IRS2: variants seen among roughly 807,000 people sequenced by gnomAD.
The protein encoded by IRS2 is insulin receptor substrate 2.
In IRS2, 28 loss-of-function variants were observed where a neutral mutation model predicts 70.9. The observed-to-expected ratio is 0.39, with a 90% CI of 0.29 to 0.54. The LOEUF is 0.54. Among genes scored for constraint, IRS2 ranks in the 20% least tolerant of loss-of-function variants. The probability of loss-of-function intolerance (pLI) is 0.59; values close to 1 mark genes in which losing one functional copy is unlikely to be tolerated. For synonymous variants in IRS2, 1,217 were observed against 981.9 expected (o/e 1.24, Z -4.48); for missense variants, 2,081 against 2,024.1 (o/e 1.03, Z -0.54).
In IRS2 at chr13:109,756,150, T is replaced by C. The variant is rs963450796; in HGVS notation, c.*154A>G. 1.5e-6 allele frequency: 1 copy of C among 675,146 alleles called. No individual in the cohort carries two copies. The highest frequency in any genetic ancestry group is 2.7e-6 in the Non-Finnish European group (1 of 371,410). The allele number at this position is 675,146 out of a possible 1,614,324, so 41.8% of individuals were successfully genotyped here. On this transcript the variant is annotated 3_prime_UTR_variant, in exon 2 of 2. Transcript: ENST00000375856. Reference sequence around the variant, plus strand: ...CAGGTGACCTTGCCTTGTTGGTGCCTCATCTAACAGAGTCCACAGATGTTT... The same window carrying C: ...CAGGTGACCTTGCCTTGTTGGTGCCCCATCTAACAGAGTCCACAGATGTTT...
Position 109,785,440 on chromosome 13 carries a change from T to C in IRS2, c.614A>G (p.Lys205Arg), listed in dbSNP as rs982171623. The change falls in exon 1 of 2, where the codon AAG becomes AGG. Residue 205 changes from lysine to arginine, a missense_variant. Physicochemically the swap from Lys to Arg is conservative, Grantham distance 26. Transcript: ENST00000375856. This position sits in a 1 kb window ranked among gnomAD's most constrained non-coding sequence, Gnocchi z 9.3. ...CAGGTTCTTGCTCTGGCCCAGACCC[T>C]TGGGCTTCAGGTTCACCTGCCACAC... ...REVWQVNLKPKGLGQSKNLTG... is the reference protein window; with the variant it reads ...REVWQVNLKPRGLGQSKNLTG... 10 of 1,612,102 alleles carry C rather than the reference T, an allele frequency of 6.2e-6. No homozygotes were observed. Among genetic ancestry groups the C allele is most frequent in the Non-Finnish European group, 8.5e-6 (10 of 1,179,764 alleles).
intron 1 of IRS2, among the ~76,000 whole-genome samples, chr13:109,770,294 A>G (rs1234704793): frequency 6.6e-6 from 1 of 152,222 alleles, no homozygotes; most frequent in Non-Finnish European, 1.5e-5. Context: ...GGAGCCAAGA[A>G]ACCTGACAAT....
chr13:109,780,291 CTGT>C (rs1409580618), intron 1 of IRS2, among the ~76,000 whole-genome samples: 1 of 152,218 alleles, frequency 6.6e-6, no homozygotes, highest in African/African-American at 2.4e-5. Flanking sequence ...GCTGCTGCTG[CTGT>C]GTTTATAATG....
chr13:109,785,466 C>A lies in IRS2; in HGVS notation c.588G>T (p.Glu196Asp). The change falls in exon 1 of 2, where the codon GAG becomes GAT. Residue 196 changes from glutamate to aspartate, a missense_variant. Physicochemically the swap from Glu to Asp is conservative, Grantham distance 45. Coordinates refer to ENST00000375856, the MANE Select transcript of IRS2 (RefSeq NM_003749.3). This position sits in a 1 kb window ranked among gnomAD's most constrained non-coding sequence, Gnocchi z 9.3. ...TGGGCTTCAGGTTCACCTGCCACAC[C>A]TCACGGTAGGCGGCCGTGGCGGGAG... ...LVAPATAAYR[E>D]VWQVNLKPKG... The A allele has an allele frequency of 1.2e-6, 2 of 1,612,214 alleles. No homozygotes were observed. The highest frequency in any genetic ancestry group is 2.2e-5 in the South Asian group (2 of 91,084).
chr13:109,753,118 C>T lies in IRS2; in HGVS notation c.*3186G>A, dbSNP rs149055661. The T allele has an allele frequency of 0.019, 2,958 of 152,198 alleles. 39 individuals carry two copies. Among genetic ancestry groups the T allele is most frequent in the Non-Finnish European group, 0.028 (1,892 of 68,052 alleles). 9.4% of individuals were successfully genotyped at this position (152,198 alleles called of 1,614,324 possible). A position where few individuals can be genotyped will look rare whatever the true frequency, so the allele number is the denominator to read the frequency against. ...CTGGGATTACAGGCATGCGCCACCA[C>T]GCCTGGCTAATTTTGTATTTTTAGT... On this transcript the variant is annotated 3_prime_UTR_variant, in exon 2 of 2. Transcript: ENST00000375856.
Position 109,783,734 on chromosome 13 carries a change from C to A in IRS2, c.2320G>T (p.Ala774Ser). 6.3e-7 allele frequency: 1 copy of A among 1,582,594 alleles called. No homozygotes were observed. Among genetic ancestry groups the A allele is most frequent in the East Asian group, 2.3e-5 (1 of 43,004 alleles). The change falls in exon 1 of 2, where the codon GCG (alanine) becomes TCG (serine). Residue 774 changes from alanine to serine, a missense_variant. This residue lies in a region of IRS2 where 1,615 missense variants were observed against 1,459.5 expected (regional missense o/e 1.11). Transcript: ENST00000375856. The stretch of plus-strand genomic sequence containing the variant: ...TCGGGCGGGGTGCCCGTGGTGACCG[C>A]GTCGCTGGGGGACACGTTGAGGTAG... ...GDYLNVSPSD[A>S]VTTGTPPDFF...
Position 109,782,914 on chromosome 13 carries a change from G to C in IRS2, c.3140C>G (p.Ala1047Gly), listed in dbSNP as rs934532825. ...GCCCTGGGCGGTGGCAACGGCCGAG[G>C]CGGGGGGCAGGCGGTACAGCTCCCC... ...APGELYRLPP[A>G]SAVATAQGPG... is the part of the protein sequence containing the mutation. The change falls in exon 1 of 2, where the codon GCC (alanine) becomes GGC (glycine). Residue 1047 changes from alanine (A) to glycine (G), a missense_variant. Coordinates refer to ENST00000375856, the MANE Select transcript of IRS2 (RefSeq NM_003749.3). 1 of 1,545,374 alleles carries C rather than the reference G, an allele frequency of 6.5e-7. No individual in the cohort carries two copies. The highest frequency in any genetic ancestry group is 2.0e-5 in the Admixed American group (1 of 50,804).
Position 109,784,649 on chromosome 13 carries a change from G to A in IRS2, c.1405C>T (p.Leu469=), listed in dbSNP as rs1877855649. 1 of 1,269,270 alleles carries A rather than the reference G, an allele frequency of 7.9e-7. No individual in the cohort carries two copies. The highest frequency in any genetic ancestry group is 2.9e-5 in the South Asian group (1 of 34,438). The allele number at this position is 1,269,270 out of a possible 1,614,324, so 78.6% of individuals were successfully genotyped here. The change falls in exon 1 of 2, where the codon CTG becomes TTG. Residue 469 remains leucine, a synonymous_variant. Transcript: ENST00000375856. The surrounding 1 kb of genome is among the most constrained non-coding windows in gnomAD (Gnocchi z 5.2). ...YPPPPGPHPP[L]PHPLHHGPGQ... ...GGGCCGTGGTGCAGCGGATGCGGCA[G>A]AGGCGGGTGCGGGCCGGGCGGCGGC...
chr13:109,770,837 C>A (rs1475497266), intron 1 of IRS2, among the ~76,000 whole-genome samples: 11 of 152,214 alleles, frequency 7.2e-5, no homozygotes, highest in Non-Finnish European at 1.6e-4. Flanking sequence ...CTTAAAATAT[C>A]AACTGTGTTC....
intron 1 of IRS2, among the ~76,000 whole-genome samples, chr13:109,763,865 C>G (rs1877279267): frequency 6.6e-6 from 1 of 152,274 alleles, no homozygotes; most frequent in African/African-American, 2.4e-5. Flanking sequence ...ATATCCATCT[C>G]CAGATAGCCT....
In IRS2 at chr13:109,785,362, A is replaced by G. The variant is rs1328054135; in HGVS notation, c.692T>C (p.Leu231Pro). 1 of 1,612,206 alleles carries G rather than the reference A, an allele frequency of 6.2e-7. No individual in the cohort carries two copies. The highest frequency in any genetic ancestry group is 8.5e-7 in the Non-Finnish European group (1 of 1,179,802). The stretch of plus-strand genomic sequence containing the variant: ...CGTCACCGACGGCTGCTCGCAGTTG[A>G]GCTTCACGAAGCCGATGGTGCGCGC... ...LSARTIGFVK[L>P]NCEQPSVTLQ... Residue 231 changes from leucine (L) to proline (P), a missense_variant, in exon 1 of 2, where the codon CTC becomes CCC. By Grantham distance (98) the Leu-to-Pro change is moderately conservative. Around this residue, in one of 4 missense-constraint regions of IRS2, gnomAD observed 320 missense variants for 352.9 expected, o/e 0.91. Transcript: ENST00000375856. The surrounding 1 kb of genome is among the most constrained non-coding windows in gnomAD (Gnocchi z 9.3).
At chr13:109,780,250 T>C (rs1340633792) in intron 1 of IRS2, among the ~76,000 whole-genome samples, 1 of 152,266 alleles carries the variant, frequency 6.6e-6, no homozygotes, top group Non-Finnish European at 1.5e-5. Context: ...ACCATAAATA[T>C]GTGTGTTTTT....
chr13:109,767,807 G>A (rs1247328682), intron 1 of IRS2, among the ~76,000 whole-genome samples: 8 of 143,046 alleles, frequency 5.6e-5, no homozygotes, highest in South Asian at 2.2e-4. Context: ...ATCTCGGCTC[G>A]CTGCAACCTC....
chr13:109,785,514 G>A lies in IRS2; in HGVS notation c.540C>T (p.Ala180=). ...ALGGSAGAAG[A]EDSYGLVAPA... is the part of the protein sequence containing the mutation. The stretch of plus-strand genomic sequence containing the variant: ...GAGCCACCAGCCCGTAGCTGTCCTC[G>A]GCCCCGGCGGCGCCGGCAGAGCCGC... Residue 180 remains alanine (A), a synonymous_variant, in exon 1 of 2, where the codon GCC becomes GCT. Coordinates refer to ENST00000375856, the MANE Select transcript of IRS2 (RefSeq NM_003749.3). The surrounding 1 kb of genome is among the most constrained non-coding windows in gnomAD (Gnocchi z 9.3). 6.2e-7 allele frequency: 1 copy of A among 1,604,576 alleles called. No homozygotes were observed. The highest frequency in any genetic ancestry group is 8.5e-7 in the Non-Finnish European group (1 of 1,176,094).
chr13:109,759,412 C>T (rs1877180743), intron 1 of IRS2, among the ~76,000 whole-genome samples: 1 of 152,110 alleles, frequency 6.6e-6, no homozygotes, highest in South Asian at 2.1e-4. Flanking sequence ...AGAAACAATC[C>T]TTTGCGGAGG....
In IRS2 at chr13:109,786,150, G is replaced by T. The variant is rs1877918918; in HGVS notation, c.-97C>A. ...GCGGGGGCGGCTCCCTCCCACCCTT[G>T]CGCCCGGCCGCCCGCCCGATCACGC... On this transcript the variant is annotated 5_prime_UTR_variant, in exon 1 of 2. Transcript: ENST00000375856. The surrounding 1 kb of genome is among the most constrained non-coding windows in gnomAD (Gnocchi z 4.4). 2 of 680,618 alleles carry T rather than the reference G, an allele frequency of 2.9e-6. No homozygotes were observed. Among genetic ancestry groups the T allele is most frequent in the Non-Finnish European group, 3.6e-6 (2 of 554,392 alleles). 42.2% of individuals were successfully genotyped at this position (680,618 alleles called of 1,614,324 possible).
rs1566412164 is a variant in IRS2, at chr13:109,782,493, C to T, written c.3561G>A (p.Glu1187=). 1 of 1,554,270 alleles carries T rather than the reference C, an allele frequency of 6.4e-7. No homozygotes were observed. The highest frequency in any genetic ancestry group is 1.2e-5 in the South Asian group (1 of 85,522). ...CTCCAGGGCCGACACCCACGCCGCC[C>T]TCGCTGCTTTTCCTGAGAGAGACAT... ...VENVSLRKSS[E]GGVGVGPGGG... is the part of the protein sequence containing the mutation. The change falls in exon 1 of 2, where the codon GAG becomes GAA. Residue 1187 remains glutamate, a synonymous_variant. Transcript: ENST00000375856.
intron 1 of IRS2, among the ~76,000 whole-genome samples, chr13:109,772,938 A>G (rs906996944): frequency 1.3e-5 from 2 of 150,108 alleles, no homozygotes; most frequent in African/African-American, 4.9e-5. Context: ...CTCATGATCC[A>G]CCCGCCTCGG....
chr13:109,782,625 GC>G lies in IRS2; in HGVS notation c.3428del (p.Gly1143AlafsTer116). On this transcript the variant is annotated frameshift_variant, in exon 1 of 2. Coordinates refer to ENST00000375856, the MANE Select transcript of IRS2 (RefSeq NM_003749.3). LOFTEE classifies it high-confidence loss of function. ...AGGTCTCGGAACTGTGGCGGCGGCG[GC>G]CCCCCTGCGGGTCTGCGCGGATGAC... Reference protein sequence around the residue: ...AKVIRADPQGGRRRHSSETFS... With the variant: ...AKVIRADPQGXRRRHSSETFS... 4 of 1,574,150 alleles carry G rather than the reference GC, an allele frequency of 2.5e-6. No homozygotes were observed. Among genetic ancestry groups the G allele is most frequent in the East Asian group, 2.3e-5 (1 of 43,066 alleles).
Sources: gnomAD v4.1 joint callset for allele counts (sites outside exome capture counted in the v4.1 genomes callset) on GRCh38, gnomAD v4.1.1 for gene constraint, gnomAD v4.1.1 regional missense constraint, Gnocchi (gnomAD v3.1) non-coding constraint, MANE v1.5 for transcripts, NCBI Gene and HGNC (gene_info 2026-07-23, HGNC 2026-07-21) for gene names.